Variants in VEGFD observed in about 807,000 individuals in gnomAD.
VEGFD encodes c-fos induced growth factor (vascular endothelial growth factor D).
In VEGFD, 26 loss-of-function variants were observed where a neutral mutation model predicts 28.0. The ratio of observed to expected loss-of-function variants is 0.93; its 90% CI spans 0.68 to 1.29. The LOEUF is 1.29. VEGFD is among the 50% of genes most tolerant of loss of function. VEGFD has a pLI of 0.00. For synonymous variants in VEGFD, 93 were observed against 95.5 expected (o/e 0.97, Z 0.15); for missense variants, 294 against 273.4 (o/e 1.08, Z -0.53).
chrX:15,353,762 G>T (rs1050512328), intron 4 of VEGFD, among the ~76,000 whole-genome samples: 1 of 109,859 alleles, frequency 9.1e-6, no homozygotes, highest in Non-Finnish European at 1.9e-5. Flanking sequence ...AGATTTTAAA[G>T]GAGCTTAATT....
In VEGFD at chrX:15,346,115, G is replaced by A. The variant is rs372622067; in HGVS notation, c.*18C>T. The A allele has an allele frequency of 1.2e-4, 146 of 1,204,187 alleles. No homozygotes were observed. Among genetic ancestry groups the A allele is most frequent in the Non-Finnish European group, 1.6e-4 (145 of 892,621 alleles). On this transcript the variant is annotated 3_prime_UTR_variant, in exon 7 of 7. Transcript: ENST00000297904. ...ATGCTGTTAAAAATGACAGGGATGG[G>A]GAACTTGGAACGCTGAATCAAGGAT...
intron 1 of VEGFD, among the ~76,000 whole-genome samples, chrX:15,364,287 T>C (rs1923092039): frequency 1.8e-5 from 2 of 112,085 alleles, no homozygotes; most frequent in South Asian, 7.4e-4. Context: ...AGTTTAATAT[T>C]CTTATGGAGC....
chrX:15,370,845 A>G (rs1923289221), intron 1 of VEGFD, among the ~76,000 whole-genome samples: 2 of 109,697 alleles, frequency 1.8e-5, no homozygotes, highest in African/African-American at 6.7e-5. Flanking sequence ...GTACATGACA[A>G]AGTGGGGCTC....
intron 3 of VEGFD, among the ~76,000 whole-genome samples, chrX:15,357,793 G>A (rs1394917823): frequency 8.9e-6 from 1 of 111,854 alleles, no homozygotes; most frequent in Non-Finnish European, 1.9e-5. Context: ...TTTATCAGCC[G>A]TGTAAACTTG....
intron 1 of VEGFD, among the ~76,000 whole-genome samples, chrX:15,377,753 T>C (rs1923472482): frequency 9.0e-6 from 1 of 111,349 alleles, no homozygotes; most frequent in African/African-American, 3.3e-5. Context: ...GCCAGAGAAT[T>C]TAAGTGCCAG....
intron 1 of VEGFD, among the ~76,000 whole-genome samples, chrX:15,382,570 C>T (rs1320102055): frequency 9.0e-6 from 1 of 111,638 alleles, no homozygotes; most frequent in Admixed American, 9.5e-5. Flanking sequence ...GCTGGACAGT[C>T]GGAAAAGTCT....
chrX:15,350,870 T>TCTTA (rs1922688703), intron 5 of VEGFD, among the ~76,000 whole-genome samples: 1 of 104,548 alleles, frequency 9.6e-6, no homozygotes, highest in Admixed American at 1.1e-4. Flanking sequence ...TTTCTTTCTT[T>TCTTA]CTTTTTTTGG....
intron 5 of VEGFD, among the ~76,000 whole-genome samples, chrX:15,350,829 CTTTTCTTTTCTTTT>C (rs1198008043): frequency 1.4e-5 from 1 of 69,825 alleles, no homozygotes; most frequent in Non-Finnish European, 2.8e-5. Flanking sequence ...CTCTCTCTTT[CTTTTCTTTTCTTTT>C]TCTCTTTCTC....
chrX:15,370,961 CCT>C (rs1046034280), intron 1 of VEGFD, among the ~76,000 whole-genome samples: 1 of 110,073 alleles, frequency 9.1e-6, no homozygotes, highest in Non-Finnish European at 1.9e-5. Context: ...CAGCTGAGGG[CCT>C]CTCTCTTTCT....
intron 5 of VEGFD, among the ~76,000 whole-genome samples, chrX:15,351,027 A>ATTTTTTTTTTTTT: frequency 6.8e-5 from 1 of 14,756 alleles, no homozygotes; most frequent in Non-Finnish European, 1.4e-4. Flanking sequence ...ATGCCCAGCT[A>ATTTTTTTTTTTTT]TTTTTTTTTT....
intron 3 of VEGFD, 93 bp from the exon 4 acceptor site, chrX:15,355,391 A>G: frequency 9.5e-6 from 7 of 733,487 alleles, no homozygotes; most frequent in Non-Finnish European, 1.3e-5. Flanking sequence ...TTTGTCATTT[A>G]CGGCAATGAC....
intron 5 of VEGFD, chrX:15,347,581 A>G (rs1390702972): frequency 2.7e-5 from 8 of 301,780 alleles, no homozygotes; most frequent in Non-Finnish European, 4.6e-5. Context: ...TGATTTTTAA[A>G]ATATCATAAG....
rs1264089828 is a variant in VEGFD at position 15,384,160 on chromosome X, T to C, written c.-214A>G. Reference sequence around the variant, plus strand: ...AATCTTAGGGGTGGGGAGAGAGAGATGAAAAAAATCAAAATGTTCTCCAAA... The same window carrying C: ...AATCTTAGGGGTGGGGAGAGAGAGACGAAAAAAATCAAAATGTTCTCCAAA... On this transcript the variant is annotated 5_prime_UTR_variant, in exon 1 of 7. Coordinates refer to ENST00000297904, the MANE Select transcript of VEGFD (RefSeq NM_004469.5). The C allele has an allele frequency of 3.3e-6, 1 of 303,223 alleles. No homozygotes were observed. Among genetic ancestry groups the C allele is most frequent in the East Asian group, 5.3e-5 (1 of 18,934 alleles). 25.0% of individuals were successfully genotyped at this position (303,223 alleles called of 1,213,427 possible). A position where few individuals can be genotyped will look rare whatever the true frequency, so the allele number is the denominator to read the frequency against.
chrX:15,346,194 T>G lies in VEGFD; in HGVS notation c.1004A>C (p.His335Pro). ...CCTTTTCTCCTTTGGAAAGCGGCAA[T>G]GCTTTGCACATGCTGTTTTGCCACT... ...CASGKTACAK[H>P]CRFPKEKRAA... The change falls in exon 7 of 7, where the codon CAT (histidine) becomes CCT (proline). Residue 335 changes from histidine to proline, a missense_variant. Physicochemically the swap from His to Pro is moderately conservative, Grantham distance 77. Coordinates refer to ENST00000297904, the MANE Select transcript of VEGFD (RefSeq NM_004469.5). 1 of 1,210,623 alleles carries G rather than the reference T, an allele frequency of 8.3e-7. No homozygotes were observed. Among genetic ancestry groups the G allele is most frequent in the Non-Finnish European group, 1.1e-6 (1 of 894,344 alleles).
At chrX:15,380,950 T>C (rs190791160) in intron 1 of VEGFD, among the ~76,000 whole-genome samples, 2 of 112,456 alleles carry the variant, frequency 1.8e-5, no homozygotes, top group Admixed American at 1.9e-4. Flanking sequence ...AAATTCCACA[T>C]CTAGGCCGTA....
intron 1 of VEGFD, among the ~76,000 whole-genome samples, chrX:15,367,790 A>C (rs1923181443): frequency 9.2e-6 from 1 of 108,221 alleles, no homozygotes; most frequent in African/African-American, 3.4e-5. Flanking sequence ...CCCTGTCTCT[A>C]CTAAAAATAC....
At position 15,346,151 on chromosome X, in the gene VEGFD, G is replaced by A. The variant is rs775521320; in HGVS notation, c.1047C>T (p.His349=). 1.7e-6 allele frequency: 2 copies of A among 1,211,035 alleles called. No individual in the cohort carries two copies. The highest frequency in any genetic ancestry group is 2.2e-5 in the Admixed American group (1 of 45,799). Residue 349 remains histidine, a synonymous_variant, in exon 7 of 7, where the codon CAC becomes CAT. Transcript: ENST00000297904. The part of the protein sequence containing the change: ...PKEKRAAQGP[H]SRKNP The stretch of plus-strand genomic sequence containing the variant: ...CGCTGAATCAAGGATTCTTTCGGCT[G>A]TGGGGCCCCTGGGCAGCCCTTTTCT...
chrX:15,357,500 C>G (rs1025834666), intron 3 of VEGFD, among the ~76,000 whole-genome samples: 1 of 111,564 alleles, frequency 9.0e-6, no homozygotes, highest in African/African-American at 3.3e-5. Flanking sequence ...TCTCCTCAGT[C>G]GAAGGGTGGG....
chrX:15,354,203 C>A (rs1002005115), intron 4 of VEGFD, among the ~76,000 whole-genome samples: 21 of 110,088 alleles, frequency 1.9e-4, no homozygotes, highest in African/African-American at 6.6e-4. Flanking sequence ...AATCTCCTGA[C>A]CTCGTGATCT....
Sources: allele counts gnomAD v4.1 joint callset (sites outside exome capture counted in the v4.1 genomes callset), GRCh38; gene constraint gnomAD v4.1.1; transcripts MANE v1.5; gene names NCBI Gene and HGNC (gene_info 2026-07-23, HGNC 2026-07-21).